Variants in KIF1C observed in about 807,000 individuals in gnomAD.
KIF1C encodes kinesin-like protein KIF1C.
In KIF1C, 61 loss-of-function variants were observed where a neutral mutation model predicts 126.5. The ratio of observed to expected loss-of-function variants is 0.48; its 90% CI spans 0.39 to 0.60. The LOEUF is 0.60. Among genes scored for constraint, KIF1C ranks in the 20% least tolerant of loss-of-function variants. The pLI is 0.00. For synonymous variants in KIF1C, 640 were observed against 580.6 expected (o/e 1.10, Z -1.47); for missense variants, 1,315 against 1,489.2 (o/e 0.88, Z 1.93).
intron 8 of KIF1C, 54 bp downstream of exon 8, chr17:5,002,896 A>G: frequency 2.2e-6 from 3 of 1,367,546 alleles, no homozygotes; most frequent in Admixed American, 1.8e-5. Context: ...CCCTGGCAAC[A>G]GGGACAGTGA....
intron 18 of KIF1C, among the ~76,000 whole-genome samples, chr17:5,019,024 C>T (rs1480198052): frequency 6.6e-6 from 1 of 152,126 alleles, no homozygotes; most frequent in East Asian, 1.9e-4. Flanking sequence ...CCCGACCCAC[C>T]GTGATGCCCT....
chr17:5,024,334 G>T lies in KIF1C; in HGVS notation c.*183G>T. ...GAGGCTGAGGAAAGGAAGAGGGCACGGAGTTGCCAGGAGCAAACCAAAGTG... is the reference window on the plus strand; with the variant it reads ...GAGGCTGAGGAAAGGAAGAGGGCACTGAGTTGCCAGGAGCAAACCAAAGTG... On this transcript the variant is annotated 3_prime_UTR_variant, in exon 23 of 23. Transcript: ENST00000320785. The T allele has an allele frequency of 2.0e-6, 1 of 507,950 alleles. No homozygotes were observed. The highest frequency in any genetic ancestry group is 3.5e-6 in the Non-Finnish European group (1 of 289,490). The allele number at this position is 507,950 out of a possible 1,614,324, so 31.5% of individuals were successfully genotyped here.
chr17:5,013,202 ACT>A (rs1250524841), intron 16 of KIF1C, among the ~76,000 whole-genome samples: 1 of 152,144 alleles, frequency 6.6e-6, no homozygotes, highest in African/African-American at 2.4e-5. Context: ...GTCTCCCCCA[ACT>A]CTCCAGAAGC....
chr17:5,011,024 G>A (rs1280109285), intron 16 of KIF1C, among the ~76,000 whole-genome samples: 4 of 152,036 alleles, frequency 2.6e-5, no homozygotes. Context: ...ACATACAAGA[G>A]AGCCCATTTC....
rs764164742 is a variant in KIF1C at position 5,002,491 on chromosome 17, C to T, written c.457C>T (p.Arg153Trp). 8 of 1,607,976 alleles carry T rather than the reference C, an allele frequency of 5.0e-6. No homozygotes were observed. The highest frequency in any genetic ancestry group is 4.0e-5 in the African/African-American group (3 of 74,732). The change falls in exon 7 of 23, where the codon CGG (arginine) becomes TGG (tryptophan). Residue 153 changes from arginine to tryptophan, a missense_variant. Arg to Trp is a moderately radical substitution (Grantham distance 101). This residue lies in a region of KIF1C where 874 missense variants were observed against 1,053.2 expected (regional missense o/e 0.83). Coordinates refer to ENST00000320785, the MANE Select transcript of KIF1C (RefSeq NM_006612.6). ...EVSYMEIYCE[R>W]VRDLLNPKSR... ...GAGCTATATGGAGATCTACTGTGAG[C>T]GGGTACGAGACCTCTTGAACCCCAA...
In KIF1C at chr17:5,022,307, C is replaced by T; in HGVS notation, c.2226C>T (p.Ala742=). The T allele has an allele frequency of 6.2e-7, 1 of 1,610,810 alleles. No individual in the cohort carries two copies. The change falls in exon 22 of 23, where the codon GCC becomes GCT. Residue 742 remains alanine (A), a synonymous_variant. Transcript: ENST00000320785. This position sits in a 1 kb window ranked among gnomAD's most constrained non-coding sequence, Gnocchi z 4.9. The part of the protein sequence containing the change: ...RRLQGKDPRW[A]TMADLKMQAV... ...TGCAGGGCAAAGACCCCCGCTGGGC[C>T]ACCATGGCTGACCTGAAGATGCAGG...
In KIF1C at chr17:5,022,371, T is replaced by G. The variant is rs1361676959; in HGVS notation, c.2290T>G (p.Phe764Val). 6.3e-7 allele frequency: 1 copy of G among 1,584,702 alleles called. No homozygotes were observed. Among genetic ancestry groups the G allele is most frequent in the Non-Finnish European group, 8.6e-7 (1 of 1,164,602 alleles). The change falls in exon 22 of 23, where the codon TTC becomes GTC. Residue 764 changes from phenylalanine to valine, a missense_variant. By Grantham distance (50) the Phe-to-Val change is conservative (BLOSUM62 -1). Coordinates refer to ENST00000320785, the MANE Select transcript of KIF1C (RefSeq NM_006612.6). This position sits in a 1 kb window ranked among gnomAD's most constrained non-coding sequence, Gnocchi z 4.9. ...EICYEVALAD[F>V]RHGRAEIEAL... ...CTGCTACGAGGTGGCCCTGGCTGACTTCCGCCACGGGCGGGCTGAGATTGA... is the reference window on the plus strand; with the variant it reads ...CTGCTACGAGGTGGCCCTGGCTGACGTCCGCCACGGGCGGGCTGAGATTGA...
rs1403257098 is a variant in KIF1C, at chr17:5,023,873, C to T, written c.3034C>T (p.His1012Tyr). The T allele has an allele frequency of 1.3e-6, 2 of 1,532,028 alleles. No homozygotes were observed. Among genetic ancestry groups the T allele is most frequent in the East Asian group, 2.3e-5 (1 of 43,968 alleles). The allele number at this position is 1,532,028 out of a possible 1,614,324, so 94.9% of individuals were successfully genotyped here. ...CCAACCCCCTGAGGAGGTCACTCCC[C>T]ATCCAGCCACCCCTGCCCGCCGGCC... ...PLQPPEEVTP[H>Y]PATPARRPPS... The change falls in exon 23 of 23, where the codon CAT (histidine) becomes TAT (tyrosine). Residue 1012 changes from histidine (H) to tyrosine (Y), a missense_variant. This residue lies in a region of KIF1C where 441 missense variants were observed against 436.1 expected (regional missense o/e 1.01). Transcript: ENST00000320785. This position sits in a 1 kb window ranked among gnomAD's most constrained non-coding sequence, Gnocchi z 4.2.
intron 16 of KIF1C, among the ~76,000 whole-genome samples, chr17:5,010,786 G>A (rs1187277782): frequency 1.3e-5 from 2 of 151,552 alleles, no homozygotes; most frequent in African/African-American, 2.4e-5. Flanking sequence ...TTGCCAAAGT[G>A]CCCTCTGAAG....
chr17:5,007,327 C>T lies in KIF1C; in HGVS notation c.1400C>T (p.Ala467Val), dbSNP rs1974759135. 1.2e-6 allele frequency: 2 copies of T among 1,613,550 alleles called. No individual in the cohort carries two copies. Among genetic ancestry groups the T allele is most frequent in the South Asian group, 1.1e-5 (1 of 91,048 alleles). The change falls in exon 15 of 23, where the codon GCC (alanine) becomes GTC (valine). Residue 467 changes from alanine to valine, a missense_variant. This residue lies in a region of KIF1C where 874 missense variants were observed against 1,053.2 expected (regional missense o/e 0.83). Transcript: ENST00000320785. ...TWEEKLRKTE[A>V]LRMEREALLA... ...GAGGAGAAGCTACGCAAGACAGAAG[C>T]CCTGAGGATGGAGAGGTGTGAGGGC...
rs373574368 is a variant in KIF1C at position 5,023,867 on chromosome 17, A to G, written c.3028A>G (p.Thr1010Ala). 2 of 1,524,410 alleles carry G rather than the reference A, an allele frequency of 1.3e-6. No homozygotes were observed. The highest frequency in any genetic ancestry group is 1.8e-6 in the Non-Finnish European group (2 of 1,135,666). 94.4% of individuals were successfully genotyped at this position (1,524,410 alleles called of 1,614,324 possible). A position where few individuals can be genotyped will look rare whatever the true frequency, so the allele number is the denominator to read the frequency against. Reference sequence around the variant, plus strand: ...TCCGCTCCAACCCCCTGAGGAGGTCACTCCCCATCCAGCCACCCCTGCCCG... The same window carrying G: ...TCCGCTCCAACCCCCTGAGGAGGTCGCTCCCCATCCAGCCACCCCTGCCCG... The part of the protein sequence containing the change: ...PTPLQPPEEV[T>A]PHPATPARRP... The change falls in exon 23 of 23, where the codon ACT (threonine) becomes GCT (alanine). Residue 1010 changes from threonine to alanine, a missense_variant. Physicochemically the swap from Thr to Ala is moderately conservative, Grantham distance 58. Around this residue, in one of 2 missense-constraint regions of KIF1C, gnomAD observed 441 missense variants for 436.1 expected, o/e 1.01. Transcript: ENST00000320785. This position sits in a 1 kb window ranked among gnomAD's most constrained non-coding sequence, Gnocchi z 4.2.
intron 18 of KIF1C, among the ~76,000 whole-genome samples, chr17:5,015,324 C>T (rs1974949726): frequency 6.6e-6 from 1 of 151,922 alleles, no homozygotes; most frequent in Non-Finnish European, 1.5e-5. Flanking sequence ...GCTCTTGTCG[C>T]CCAGGCTGGA....
chr17:5,013,552 A>T, intron 16 of KIF1C, 101 bp from the exon 17 acceptor site: 1 of 789,742 alleles, frequency 1.3e-6, no homozygotes, highest in Non-Finnish European at 2.2e-6. Flanking sequence ...CGCAGCTGGC[A>T]GTGCCAGGAC....
In KIF1C at chr17:5,022,820, G is replaced by C; in HGVS notation, c.2628+111G>C. On this transcript the variant is annotated intron_variant, in intron 22 of 22. Transcript: ENST00000320785. This position sits in a 1 kb window ranked among gnomAD's most constrained non-coding sequence, Gnocchi z 4.9. ...CCCCAAGTCTGGAAAAAATTGCATT[G>C]AAGTATAGTACGTTTTTTTCAATAT... The C allele has an allele frequency of 1.5e-6, 2 of 1,361,882 alleles. No individual in the cohort carries two copies. The highest frequency in any genetic ancestry group is 1.9e-6 in the Non-Finnish European group (2 of 1,052,116). The allele number at this position is 1,361,882 out of a possible 1,614,324, so 84.4% of individuals were successfully genotyped here.
rs896345355 is a variant in KIF1C at position 5,028,091 on chromosome 17, AG to A, written c.*3942del. 4.6e-5 allele frequency: 7 copies of A among 152,230 alleles called. No homozygotes were observed. Among genetic ancestry groups the A allele is most frequent in the African/African-American group, 1.7e-4 (7 of 41,448 alleles). The allele number at this position is 152,230 out of a possible 1,614,324, so 9.4% of individuals were successfully genotyped here. A position where few individuals can be genotyped will look rare whatever the true frequency, so the allele number is the denominator to read the frequency against. On this transcript the variant is annotated 3_prime_UTR_variant, in exon 23 of 23. Coordinates refer to ENST00000320785, the MANE Select transcript of KIF1C (RefSeq NM_006612.6). ...GTTTCTGTTCCCTCTCAAATTGCCCAGGCTGTCCTGTGAGTGACAGCAGCTA... is the reference window on the plus strand; with the variant it reads ...GTTTCTGTTCCCTCTCAAATTGCCCAGCTGTCCTGTGAGTGACAGCAGCTA...
rs775604157 is a variant in KIF1C at position 5,004,826 on chromosome 17, C to G, written c.1020-29C>G. 2.5e-6 allele frequency: 4 copies of G among 1,613,996 alleles called. No homozygotes were observed. In the Admixed American group the frequency reaches 5.0e-5, roughly 20 times the overall value. ...GACCAAGGGTCCCCTGCCCCCAGGCCTCACCGACCCTGCTCCTCTGTCACC... is the reference window on the plus strand; with the variant it reads ...GACCAAGGGTCCCCTGCCCCCAGGCGTCACCGACCCTGCTCCTCTGTCACC... On this transcript the variant is annotated intron_variant, in intron 12 of 22. Transcript: ENST00000320785.
Position 5,024,209 on chromosome 17 carries a change from C to T in KIF1C, c.*58C>T, listed in dbSNP as rs1456117648. 1.6e-6 allele frequency: 2 copies of T among 1,253,048 alleles called. No individual in the cohort carries two copies. The highest frequency in any genetic ancestry group is 3.0e-5 in the African/African-American group (2 of 66,090). 77.6% of individuals were successfully genotyped at this position (1,253,048 alleles called of 1,614,324 possible). A position where few individuals can be genotyped will look rare whatever the true frequency, so the allele number is the denominator to read the frequency against. ...CCCCTTGCTAGGAGAAGGGAAGACG[C>T]CCGAGACGCTGCTTCCCCAGAAGTG... is the stretch of plus-strand genomic sequence containing the variant. On this transcript the variant is annotated 3_prime_UTR_variant, in exon 23 of 23. Transcript: ENST00000320785.
Position 5,022,974 on chromosome 17 carries a change from C to A in KIF1C, c.2628+265C>A, listed in dbSNP as rs1422319705. Among the ~76,000 whole-genome samples the A allele has an allele frequency of 6.6e-6, 1 of 152,184 alleles. No individual in the cohort carries two copies. Among genetic ancestry groups the A allele is most frequent in the Non-Finnish European group, 1.5e-5 (1 of 68,044 alleles). On this transcript the variant is annotated intron_variant, in intron 22 of 22. Coordinates refer to ENST00000320785, the MANE Select transcript of KIF1C (RefSeq NM_006612.6). This position sits in a 1 kb window ranked among gnomAD's most constrained non-coding sequence, Gnocchi z 4.9. ...CATTTATAATAAGCTCTGGGTGTTT[C>A]TGAAATACAGTGAAGTCTAAGACCC...
rs1398332598 is a variant in KIF1C at position 5,023,762 on chromosome 17, T to A, written c.2923T>A (p.Cys975Ser). The A allele has an allele frequency of 6.6e-7, 1 of 1,522,912 alleles. No homozygotes were observed. Among genetic ancestry groups the A allele is most frequent in the Non-Finnish European group, 8.8e-7 (1 of 1,138,748 alleles). 94.3% of individuals were successfully genotyped at this position (1,522,912 alleles called of 1,614,324 possible). A position where few individuals can be genotyped will look rare whatever the true frequency, so the allele number is the denominator to read the frequency against. Residue 975 changes from cysteine to serine, a missense_variant, in exon 23 of 23, where the codon TGC (cysteine) becomes AGC (serine). By Grantham distance (112) the Cys-to-Ser change is moderately radical (BLOSUM62 -1). Transcript: ENST00000320785. This position sits in a 1 kb window ranked among gnomAD's most constrained non-coding sequence, Gnocchi z 4.2. Reference protein sequence around the residue: ...PPARFVPPHDCKLRFPFKSNP... With the variant: ...PPARFVPPHDSKLRFPFKSNP... ...AGCCCGCTTTGTGCCCCCTCACGAC[T>A]GCAAGCTACGCTTCCCCTTCAAGAG...
Sources: allele counts gnomAD v4.1 joint callset (sites outside exome capture counted in the v4.1 genomes callset), GRCh38; gene constraint gnomAD v4.1.1; regional missense constraint gnomAD v4.1.1; non-coding constraint Gnocchi (gnomAD v3.1); transcripts MANE v1.5; gene names NCBI Gene and HGNC (gene_info 2026-07-23, HGNC 2026-07-21).